The following MYH11 variants were observed in gnomAD, a reference collection of about 807,000 sequenced individuals.
MYH11 encodes the protein myosin-11.
MYH11 carries 80 observed loss-of-function variants against 246.6 expected under a neutral mutation model. That is an observed-to-expected ratio of 0.32 (90% CI 0.27 to 0.39). MYH11 has a LOEUF of 0.39. Ranked by LOEUF, MYH11 falls within the 10% of genes least tolerant of loss-of-function variation. The pLI is 1.00. For synonymous variants in MYH11, 1,071 were observed against 1,015.5 expected (o/e 1.05, Z -1.04); for missense variants, 2,158 against 2,546.8 (o/e 0.85, Z 3.29).
At chr16:15,798,767 G>A in intron 3 of MYH11, 80 bp from the exon 4 acceptor site, 1 of 1,417,288 alleles carries the variant, frequency 7.1e-7, no homozygotes. Context: ...TCCTCCCAGG[G>A]CCCTCCCATT....
intron 38 of MYH11, 143 bp downstream of exon 38, chr16:15,716,997 A>G (rs1432103495): frequency 3.1e-6 from 3 of 954,080 alleles, no homozygotes; most frequent in Non-Finnish European, 5.1e-6. Flanking sequence ...TTCAGTTCTC[A>G]CAACATACCT....
At chr16:15,834,402 T>C (rs1198364731) in intron 2 of MYH11, among the ~76,000 whole-genome samples, 1 of 151,870 alleles carries the variant, frequency 6.6e-6, no homozygotes. Flanking sequence ...GGCACATCCC[T>C]GCAATCCCAG....
chr16:15,721,486 G>A lies in MYH11; in HGVS notation c.4514C>T (p.Thr1505Ile), dbSNP rs2040481231. 1.9e-6 allele frequency: 3 copies of A among 1,614,140 alleles called. 1 individual carries two copies. Among genetic ancestry groups the A allele is most frequent in the Non-Finnish European group, 2.5e-6 (3 of 1,180,026 alleles). ...ALEAKEELER[T>I]NKMLKAEMED... ...CATTTCGGCTTTGAGCATTTTGTTG[G>A]TCCGCTCGAGTTCCTCTTTGGCTTC... Residue 1505 changes from threonine (T) to isoleucine (I), a missense_variant, in exon 32 of 41, where the codon ACC (threonine) becomes ATC (isoleucine). Thr to Ile is a moderately conservative substitution (Grantham distance 89). Coordinates refer to ENST00000300036, the MANE Select transcript of MYH11 (RefSeq NM_002474.3).
At position 15,831,512 on chromosome 16, in the gene MYH11, T is replaced by A. The variant is rs1380600200; in HGVS notation, c.345+6396A>T. Among the ~76,000 whole-genome samples, 3 of 145,640 alleles carry A rather than the reference T, an allele frequency of 2.1e-5. No homozygotes were observed. The East Asian group carries it at 5.9e-4, about 29-fold the overall frequency. On this transcript the variant is annotated intron_variant, in intron 2 of 40. Coordinates refer to ENST00000300036, the MANE Select transcript of MYH11 (RefSeq NM_002474.3). The stretch of plus-strand genomic sequence containing the variant: ...GTGTGTGTGTGTACATACATGAACC[T>A]GTGAATCATGTTTGCCTCCAGGGAA...
At chr16:15,776,468 A>C (rs2042223817) in intron 7 of MYH11, among the ~76,000 whole-genome samples, 1 of 152,232 alleles carries the variant, frequency 6.6e-6, no homozygotes, top group East Asian at 1.9e-4. Context: ...CATCACCAGC[A>C]AATCTTCTTT....
In MYH11 at chr16:15,727,063, G is replaced by GA. The variant is rs773590187; in HGVS notation, c.3652-10_3652-9insT. 2.3e-5 allele frequency: 37 copies of GA among 1,612,664 alleles called. No homozygotes were observed. The highest frequency in any genetic ancestry group is 3.1e-5 in the Non-Finnish European group (36 of 1,179,832). On this transcript the variant is annotated splice_polypyrimidine_tract_variant and intron_variant, in intron 27 of 40. Transcript: ENST00000300036. ...TCTAGGTTCGCCTTGGCCTGGCGAA[G>GA]GAAGCAGAGGGGAGGGATAACAGGG... is the stretch of plus-strand genomic sequence containing the variant.
rs200012419 is a variant in MYH11, at chr16:15,726,901, T to C, written c.3805A>G (p.Ser1269Gly). The C allele has an allele frequency of 4.5e-5, 72 of 1,612,772 alleles. No homozygotes were observed. The South Asian group carries it at 6.8e-4, about 15-fold the overall frequency. Residue 1269 changes from serine (S) to glycine (G), a missense_variant, in exon 28 of 41, where the codon AGC (serine) becomes GGC (glycine). By Grantham distance (56) the Ser-to-Gly change is moderately conservative. This residue lies in a region of MYH11 where 1,013 missense variants were observed against 993.5 expected (regional missense o/e 1.02). Transcript: ENST00000300036. The stretch of plus-strand genomic sequence containing the variant: ...TCCGCCCGGGCCCGCTCCCCATCGC[T>C]GCACTTGGACTGCAGCTCCTGCACC... ...AQVQELQSKC[S>G]DGERARAELN...
intron 9 of MYH11, among the ~76,000 whole-genome samples, chr16:15,766,690 C>A (rs2041991104): frequency 6.6e-6 from 1 of 152,122 alleles, no homozygotes; most frequent in African/African-American, 2.4e-5. Flanking sequence ...CTTTAGGAAC[C>A]AATTTCTAAA....
In MYH11 at chr16:15,703,902, G is replaced by A. The variant is rs1226800337; in HGVS notation, c.*89C>T. The A allele has an allele frequency of 1.9e-6, 3 of 1,559,580 alleles. No individual in the cohort carries two copies. In the Admixed American group the frequency reaches 5.0e-5, roughly 26 times the overall value. On this transcript the variant is annotated 3_prime_UTR_variant, in exon 41 of 41. Coordinates refer to ENST00000300036, the MANE Select transcript of MYH11 (RefSeq NM_002474.3). ...TGCTAAGTACAGTCTGCTGGGTTTT[G>A]CTTTGTTCTGGGTTGTTGTTGGGTT...
At chr16:15,792,474 G>T (rs1425971789) in intron 4 of MYH11, 1 of 152,164 alleles carries the variant, frequency 6.6e-6, no homozygotes, top group African/African-American at 2.4e-5. Flanking sequence ...TAAGCTAGGA[G>T]TTAGCAAACT....
At chr16:15,711,927 A>C (rs1280985145) in intron 40 of MYH11, among the ~76,000 whole-genome samples, 1 of 152,190 alleles carries the variant, frequency 6.6e-6, no homozygotes, top group Non-Finnish European at 1.5e-5. Flanking sequence ...TCCTGACCTC[A>C]GGTGATCAGC....
At chr16:15,733,537 T>TTG (rs1219823667) in intron 26 of MYH11, among the ~76,000 whole-genome samples, 1 of 146,750 alleles carries the variant, frequency 6.8e-6, no homozygotes, top group Admixed American at 6.9e-5. Context: ...TCAGCCTGGT[T>TTG]TTTTGTTTTG....
At chr16:15,824,173 C>T (rs1045664298) in intron 2 of MYH11, among the ~76,000 whole-genome samples, 9 of 152,070 alleles carry the variant, frequency 5.9e-5, no homozygotes, top group Non-Finnish European at 1.0e-4. Flanking sequence ...AACTCAGGAA[C>T]ATTTAATAAA....
chr16:15,773,235 T>A (rs964159661), intron 8 of MYH11, among the ~76,000 whole-genome samples: 1 of 151,862 alleles, frequency 6.6e-6, no homozygotes, highest in Non-Finnish European at 1.5e-5. Flanking sequence ...AGTGACTTCC[T>A]GCTATGGTAG....
chr16:15,744,109 A>G (rs950252552), intron 20 of MYH11, among the ~76,000 whole-genome samples: 11 of 152,104 alleles, frequency 7.2e-5, no homozygotes, highest in African/African-American at 2.7e-4. Context: ...CATTTCAAAA[A>G]ATGCAAAAAG....
chr16:15,772,204 G>T (rs542156703), intron 8 of MYH11, among the ~76,000 whole-genome samples: 1 of 143,838 alleles, frequency 7.0e-6, no homozygotes, highest in African/African-American at 2.6e-5. Context: ...CGATTCTCCT[G>T]CCTCAACCTC....
intron 7 of MYH11, among the ~76,000 whole-genome samples, chr16:15,777,364 G>A (rs2151297496): frequency 6.6e-6 from 1 of 152,242 alleles, no homozygotes; most frequent in African/African-American, 2.4e-5. Flanking sequence ...CAAGTGGTCT[G>A]CCCGCCTCGG....
At chr16:15,772,410 A>C (rs1411762035) in intron 8 of MYH11, among the ~76,000 whole-genome samples, 1 of 151,994 alleles carries the variant, frequency 6.6e-6, no homozygotes, top group East Asian at 1.9e-4. Flanking sequence ...GTATTTATAA[A>C]ATTTTTATCA....
intron 37 of MYH11, chr16:15,717,775 C>T (rs1003665738): frequency 9.4e-5 from 26 of 276,490 alleles, no homozygotes; most frequent in African/African-American, 5.7e-4. Flanking sequence ...CAGCCTGGGC[C>T]ACAGAGAGAC....
Sources: gnomAD v4.1 joint callset for allele counts (sites outside exome capture counted in the v4.1 genomes callset) on GRCh38, gnomAD v4.1.1 for gene constraint, gnomAD v4.1.1 regional missense constraint, MANE v1.5 for transcripts, NCBI Gene and HGNC (gene_info 2026-07-23, HGNC 2026-07-21) for gene names.